EIF2AK1: variants seen among roughly 807,000 people sequenced by gnomAD.
EIF2AK1 encodes the protein eukaryotic translation initiation factor 2 alpha kinase 1.
In EIF2AK1, 54 loss-of-function variants were observed where a neutral mutation model predicts 77.9. That is an observed-to-expected ratio of 0.69 (90% CI 0.56 to 0.87). EIF2AK1 has a LOEUF of 0.87. Ranked by LOEUF, EIF2AK1 falls within the 40% of genes least tolerant of loss-of-function variation. The pLI is 0.00. For synonymous variants in EIF2AK1, 314 were observed against 290.5 expected, an observed-to-expected ratio of 1.08 and a Z score of -0.82; for missense variants, 810 against 768.6, an observed-to-expected ratio of 1.05 and a Z score of -0.64.
chr7:6,050,768 A>T (rs578213890), intron 2 of EIF2AK1, among the ~76,000 whole-genome samples: 33 of 151,862 alleles, frequency 2.2e-4, no homozygotes, highest in Non-Finnish European at 3.8e-4. Flanking sequence ...AGGCCCAGCT[A>T]ATTTTTTTGT....
chr7:6,029,718 C>T (rs11766390), intron 11 of EIF2AK1, among the ~76,000 whole-genome samples: 1 of 152,028 alleles, frequency 6.6e-6, no homozygotes, highest in African/African-American at 2.4e-5. Flanking sequence ...CACGGTGGCT[C>T]ACACCTGTAA....
chr7:6,046,128 C>T lies in EIF2AK1; in HGVS notation c.573G>A (p.Gln191=), dbSNP rs889600295. The T allele has an allele frequency of 6.4e-7, 1 of 1,566,456 alleles. No homozygotes were observed. The highest frequency in any genetic ancestry group is 8.6e-7 in the Non-Finnish European group (1 of 1,157,426). ...VYKVRNKLDG[Q]YYAIKKILIK... is the part of the protein sequence containing the mutation. ...TCAGGATTTTTTTTATTGCATAATA[C>T]TGACCATCTAATTTATTCCTGACCT... Residue 191 remains glutamine (Q), a synonymous_variant, in exon 6 of 15, where the codon CAG becomes CAA. Coordinates refer to ENST00000199389, the MANE Select transcript of EIF2AK1 (RefSeq NM_014413.4).
rs1336417679 is a variant in EIF2AK1, at chr7:6,032,654, G to A, written c.1333-3622C>T. On this transcript the variant is annotated intron_variant, in intron 11 of 14. Transcript: ENST00000199389. This position sits in a 1 kb window ranked among gnomAD's most constrained non-coding sequence, Gnocchi z 4.3. The stretch of plus-strand genomic sequence containing the variant: ...TGTGAAACACAGATTTTATAGGATG[G>A]AATTCACTGAATTTTGATCATTTAA... Among the ~76,000 whole-genome samples, 1 of 152,172 alleles carries A rather than the reference G, an allele frequency of 6.6e-6. No homozygotes were observed. Among genetic ancestry groups the A allele is most frequent in the Non-Finnish European group, 1.5e-5 (1 of 68,038 alleles).
intron 1 of EIF2AK1, among the ~76,000 whole-genome samples, chr7:6,057,921 G>A (rs1161547215): frequency 1.8e-4 from 27 of 151,990 alleles, no homozygotes; most frequent in Admixed American, 1.8e-3. Flanking sequence ...GACCCCACTG[G>A]GCCAATGTAT....
chr7:6,057,452 T>C (rs542765432), intron 1 of EIF2AK1: 2 of 152,188 alleles, frequency 1.3e-5, no homozygotes, highest in East Asian at 3.9e-4. Flanking sequence ...GTGTATTCTC[T>C]GCAGTCATTC....
At chr7:6,039,685 AG>A (rs146297188) in intron 9 of EIF2AK1, among the ~76,000 whole-genome samples, 28,030 of 148,566 alleles carry the variant, frequency 0.19, 3,261 homozygotes, top group Middle Eastern at 0.32. Flanking sequence ...CTGTAATCCC[AG>A]CACTTTGGGA....
intron 3 of EIF2AK1, 105 bp downstream of exon 3, chr7:6,049,807 T>C: frequency 5.7e-6 from 7 of 1,222,034 alleles, no homozygotes; most frequent in Non-Finnish European, 8.0e-6. Flanking sequence ...TTTATACTTT[T>C]AAAAACTTGT....
intron 3 of EIF2AK1, 142 bp from the exon 4 acceptor site, chr7:6,048,986 G>C (rs1394818692): frequency 1.7e-6 from 1 of 592,254 alleles, no homozygotes; most frequent in African/African-American, 1.9e-5. Context: ...TATTACTTAA[G>C]AGTTTACAAC....
chr7:6,046,229 T>A (rs1440202935), intron 5 of EIF2AK1, 78 bp from the exon 6 acceptor site: 1 of 777,418 alleles, frequency 1.3e-6, no homozygotes, highest in Non-Finnish European at 1.9e-6. Flanking sequence ...TAATCTGAGC[T>A]TAGACAATCC....
In EIF2AK1 at chr7:6,027,408, T is replaced by C. The variant is rs968860156; in HGVS notation, c.1531-447A>G. Among the ~76,000 whole-genome samples, 1 of 152,218 alleles carries C rather than the reference T, an allele frequency of 6.6e-6. No individual in the cohort carries two copies. On this transcript the variant is annotated intron_variant, in intron 13 of 14. Coordinates refer to ENST00000199389, the MANE Select transcript of EIF2AK1 (RefSeq NM_014413.4). This position sits in a 1 kb window ranked among gnomAD's most constrained non-coding sequence, Gnocchi z 4.5. ...TTAACAAACTGCATAAAATCTGTGA[T>C]ACTACTCCTAAAAACAGATTTTTTA...
rs1259968997 is a variant in EIF2AK1, at chr7:6,038,958, A to G, written c.1120-287T>C. On this transcript the variant is annotated intron_variant, in intron 9 of 14. Transcript: ENST00000199389. The stretch of plus-strand genomic sequence containing the variant: ...CAGGCTGAAGTCAGGCAGGGGTCCA[A>G]TGGCAGAAGCTCTCAACTGTGACCC... Among the ~76,000 whole-genome samples the G allele has an allele frequency of 2.6e-5, 4 of 152,158 alleles. No homozygotes were observed. In the East Asian group the frequency reaches 5.8e-4, roughly 22 times the overall value.
chr7:6,045,803 G>A (rs2128890331), intron 6 of EIF2AK1, among the ~76,000 whole-genome samples: 1 of 150,224 alleles, frequency 6.7e-6, no homozygotes. Flanking sequence ...TACTTGGGAG[G>A]AAGGAGAATC....
chr7:6,040,273 G>T (rs1047885113), intron 9 of EIF2AK1, among the ~76,000 whole-genome samples: 1 of 151,928 alleles, frequency 6.6e-6, no homozygotes, highest in Non-Finnish European at 1.5e-5. Flanking sequence ...GGCTGGTCTC[G>T]AACTCCTGAT....
intron 8 of EIF2AK1, 150 bp from the exon 9 acceptor site, chr7:6,041,369 T>A: frequency 1.2e-6 from 1 of 800,212 alleles, no homozygotes; most frequent in Non-Finnish European, 1.9e-6. Context: ...TAAAACCCCA[T>A]CTCAACTAAA....
intron 12 of EIF2AK1, 67 bp from the exon 13 acceptor site, chr7:6,028,764 A>G: frequency 2.6e-6 from 4 of 1,513,122 alleles, no homozygotes; most frequent in Non-Finnish European, 3.7e-6. Context: ...AACATTTACT[A>G]TGAGGAAGCA....
intron 4 of EIF2AK1, among the ~76,000 whole-genome samples, chr7:6,048,315 G>A (rs1461241273): frequency 6.6e-6 from 1 of 152,124 alleles, no homozygotes; most frequent in African/African-American, 2.4e-5. Flanking sequence ...ATATTTCATA[G>A]AAATGAAATC....
At chr7:6,057,764 T>C (rs1052539544) in intron 1 of EIF2AK1, among the ~76,000 whole-genome samples, 12 of 152,048 alleles carry the variant, frequency 7.9e-5, no homozygotes, top group African/African-American at 2.9e-4. Context: ...CGAAAGTAGC[T>C]GGGATTACAG....
rs1179345265 is a variant in EIF2AK1, at chr7:6,027,482, G to A, written c.1531-521C>T. Among the ~76,000 whole-genome samples, 4 of 152,116 alleles carry A rather than the reference G, an allele frequency of 2.6e-5. No individual in the cohort carries two copies. The highest frequency in any genetic ancestry group is 4.8e-5 in the African/African-American group (2 of 41,432). ...TTTAGGGGCAGCCATCATTTTTTCT[G>A]ACAGCTCTTTCCTAATCACTAAAAA... is the stretch of plus-strand genomic sequence containing the variant. On this transcript the variant is annotated intron_variant, in intron 13 of 14. Coordinates refer to ENST00000199389, the MANE Select transcript of EIF2AK1 (RefSeq NM_014413.4). The surrounding 1 kb of genome is among the most constrained non-coding windows in gnomAD (Gnocchi z 4.5).
rs780095730 is a variant in EIF2AK1, at chr7:6,050,032, C to T, written c.291G>A (p.Thr97=). ...AAGACAGCAGCCCCATTTTGATAAACGTCTGGCAAAGTACTATAAAAAGAA... is the reference window on the plus strand; with the variant it reads ...AAGACAGCAGCCCCATTTTGATAAATGTCTGGCAAAGTACTATAAAAAGAA... ...SRQVFKLLCQ[T]FIKMGLLSSF... The change falls in exon 3 of 15, where the codon ACG becomes ACA. Residue 97 remains threonine, a synonymous_variant. Transcript: ENST00000199389. The T allele has an allele frequency of 9.6e-5, 154 of 1,604,780 alleles. No homozygotes were observed. Among genetic ancestry groups the T allele is most frequent in the Non-Finnish European group, 1.1e-4 (131 of 1,177,698 alleles).
Sources: allele counts gnomAD v4.1 joint callset (sites outside exome capture counted in the v4.1 genomes callset), GRCh38; gene constraint gnomAD v4.1.1; non-coding constraint Gnocchi (gnomAD v3.1); transcripts MANE v1.5; gene names NCBI Gene and HGNC (gene_info 2026-07-23, HGNC 2026-07-21).